LRGUK: variants seen among roughly 807,000 people sequenced by gnomAD.
LRGUK encodes the protein leucine-rich repeat and guanylate kinase domain-containing protein.
A neutral mutation model predicts 76.0 loss-of-function variants in LRGUK; 65 were observed. The observed-to-expected ratio is 0.85, with a 90% CI of 0.70 to 1.05. LRGUK has a LOEUF of 1.05. LRGUK is among the 50% of genes least tolerant of loss of function. The probability of loss-of-function intolerance (pLI) is 0.00; values close to 1 mark genes in which losing one functional copy is unlikely to be tolerated. For missense variants in LRGUK, 758 were observed against 732.8 expected (o/e 1.03, Z -0.40); for synonymous variants, 268 against 265.6 (o/e 1.01, Z -0.09).
At chr7:134,181,860 G>A (rs1221780218) in intron 10 of LRGUK, among the ~76,000 whole-genome samples, 5 of 152,130 alleles carry the variant, frequency 3.3e-5, no homozygotes, top group Non-Finnish European at 7.4e-5. Context: ...AGTTTTGCAT[G>A]TGCTCTTTTG....
downstream of LRGUK, among the ~76,000 whole-genome samples, chr7:134,265,155 T>C (rs1232333706): frequency 6.6e-6 from 1 of 152,204 alleles, no homozygotes; most frequent in Non-Finnish European, 1.5e-5. Flanking sequence ...GATATGTCTC[T>C]GTATTCCAAG....
At chr7:134,127,629 G>A (rs753816888) in exon 1 of LRGUK, 2 of 1,613,976 alleles carry the variant, frequency 1.2e-6, no homozygotes, top group South Asian at 2.2e-5. Flanking sequence ...GGCGGGATCC[G>A]AGGAGTCCTC....
intron 19 of LRGUK, among the ~76,000 whole-genome samples, chr7:134,262,539 G>A (rs529245919): frequency 6.6e-6 from 1 of 152,336 alleles, no homozygotes; most frequent in East Asian, 1.9e-4. Flanking sequence ...ACCCTGAGAT[G>A]TAATTTAGCT....
At chr7:134,204,521 C>T (rs924222786) in intron 15 of LRGUK, among the ~76,000 whole-genome samples, 2 of 152,192 alleles carry the variant, frequency 1.3e-5, no homozygotes, top group Admixed American at 1.3e-4. Flanking sequence ...GATCAAATCA[C>T]TAGCCTCAAG....
At chr7:134,127,493 G>T (rs1350077713) in exon 1 of LRGUK, 2 of 1,614,022 alleles carry the variant, frequency 1.2e-6, no homozygotes, top group Non-Finnish European at 8.5e-7. Flanking sequence ...AGCCTTGCTG[G>T]TCTTTTCCCA....
At chr7:134,127,361 A>G in exon 1 of LRGUK, 1 of 1,539,578 alleles carries the variant, frequency 6.5e-7, no homozygotes, top group Non-Finnish European at 8.7e-7. Context: ...CAACCCCGCT[A>G]AACAAGATGG....
intron 14 of LRGUK, among the ~76,000 whole-genome samples, chr7:134,201,033 C>T (rs1345615164): frequency 6.6e-6 from 1 of 152,172 alleles, no homozygotes; most frequent in Non-Finnish European, 1.5e-5. Flanking sequence ...AGGTGTCATC[C>T]ACGTGGCCCC....
At chr7:134,216,478 G>C (rs765822086) in intron 15 of LRGUK, among the ~76,000 whole-genome samples, 22 of 152,274 alleles carry the variant, frequency 1.4e-4, no homozygotes, top group Non-Finnish European at 2.5e-4. Context: ...TTGCAGTTTG[G>C]AGAAGTGAGT....
At chr7:134,130,720 C>G (rs1338765471) in intron 1 of LRGUK, among the ~76,000 whole-genome samples, 1 of 152,190 alleles carries the variant, frequency 6.6e-6, no homozygotes. Context: ...TACTGAGTGC[C>G]TTTAATGCAA....
intron 10 of LRGUK, among the ~76,000 whole-genome samples, chr7:134,182,802 C>T (rs188956717): frequency 6.6e-6 from 1 of 152,206 alleles, no homozygotes; most frequent in East Asian, 1.9e-4. Context: ...ACTCTTGTTG[C>T]CCAGACTGGA....
At chr7:134,137,075 A>T (rs2116822633) in exon 2 of LRGUK, 1 of 1,613,578 alleles carries the variant, frequency 6.2e-7, no homozygotes, top group Non-Finnish European at 8.5e-7. Context: ...GCACTCCATC[A>T]CTTGGGGCGC....
At chr7:134,209,674 G>T (rs1447725163) in exon 16 of LRGUK, 2 of 399,282 alleles carry the variant, frequency 5.0e-6, no homozygotes, top group Non-Finnish European at 8.8e-6. Flanking sequence ...TCTCTCCCAG[G>T]CTTCCACCAA....
intron 18 of LRGUK, among the ~76,000 whole-genome samples, chr7:134,251,547 C>T (rs1401877060): frequency 2.6e-5 from 4 of 152,164 alleles, no homozygotes; most frequent in Non-Finnish European, 5.9e-5. Context: ...ACTAATACGA[C>T]CTGTATAAAA....
chr7:134,139,637 T>C, intron 3 of LRGUK, 120 bp downstream of exon 3: 1 of 626,966 alleles, frequency 1.6e-6, no homozygotes, highest in Non-Finnish European at 2.6e-6. Context: ...AATTTACATA[T>C]TGATCCTTTG....
intron 8 of LRGUK, among the ~76,000 whole-genome samples, chr7:134,176,212 C>G (rs1799472063): frequency 6.6e-6 from 1 of 151,976 alleles, no homozygotes; most frequent in Non-Finnish European, 1.5e-5. Flanking sequence ...AACAACATAC[C>G]CTGGGGCCTG....
chr7:134,208,876 A>G (rs1801119151), exon 16 of LRGUK: 1 of 399,042 alleles, frequency 2.5e-6, no homozygotes, highest in East Asian at 3.6e-5. Context: ...CCCAGAACCA[A>G]GAGCTGGCTC....
chr7:134,154,594 G>T (rs533724976), intron 5 of LRGUK, among the ~76,000 whole-genome samples: 1 of 152,354 alleles, frequency 6.6e-6, no homozygotes, highest in East Asian at 1.9e-4. Context: ...ATATTTGAAG[G>T]AGAGTGAAAA....
At chr7:134,232,838 T>C (rs1801934633) in intron 16 of LRGUK, among the ~76,000 whole-genome samples, 1 of 152,196 alleles carries the variant, frequency 6.6e-6, no homozygotes, top group Admixed American at 6.5e-5. Flanking sequence ...GCTTATACAA[T>C]TCTTTGTTGC....
At position 134,130,254 on chromosome 7, in the gene LRGUK, A is replaced by C. The variant is rs528177115; in HGVS notation, c.297+2590A>C. Among the ~76,000 whole-genome samples, 3 of 152,270 alleles carry C rather than the reference A, an allele frequency of 2.0e-5. No homozygotes were observed. In the East Asian group the frequency reaches 5.8e-4, roughly 29 times the overall value. On this transcript the variant is annotated intron_variant, in intron 1 of 15. Coordinates refer to ENST00000645682, the Ensembl canonical transcript of LRGUK. The stretch of plus-strand genomic sequence containing the variant: ...TGCAAAACTATAGCAGTGTTTTTGC[A>C]ACTTTGAGATGTTTGTATGGTTTCC...
Sources: allele counts gnomAD v4.1 joint callset (sites outside exome capture counted in the v4.1 genomes callset), GRCh38; gene constraint gnomAD v4.1.1; transcripts MANE v1.5; gene names NCBI Gene and HGNC (gene_info 2026-07-23, HGNC 2026-07-21).